Variants in TAOK3 observed in about 807,000 individuals in gnomAD.
The protein encoded by TAOK3 is serine/threonine-protein kinase TAO3.
TAOK3 carries 40 observed loss-of-function variants against 120.4 expected under a neutral mutation model. That is an observed-to-expected ratio of 0.33 (90% CI 0.26 to 0.43). The LOEUF (loss-of-function observed/expected upper bound fraction) is 0.43. Ranked by LOEUF, TAOK3 falls within the 20% of genes least tolerant of loss-of-function variation. TAOK3 has a pLI of 1.00. For synonymous variants in TAOK3, 355 were observed against 387.5 expected (o/e 0.92, Z 0.99); for missense variants, 821 against 1,112.1 (o/e 0.74, Z 3.72).
At chr12:118,186,864 T>C (rs2037109357) in intron 14 of TAOK3, among the ~76,000 whole-genome samples, 1 of 152,172 alleles carries the variant, frequency 6.6e-6, no homozygotes, top group South Asian at 2.1e-4. Flanking sequence ...TACAAAAATC[T>C]CAGTTATAAG....
intron 1 of TAOK3, among the ~76,000 whole-genome samples, chr12:118,327,786 C>T (rs2043991688): frequency 6.6e-6 from 1 of 152,136 alleles, no homozygotes; most frequent in Non-Finnish European, 1.5e-5. Context: ...ATTCCTATTG[C>T]TAAATAAAAT....
chr12:118,253,056 C>T (rs774371148), intron 3 of TAOK3, among the ~76,000 whole-genome samples: 1 of 152,198 alleles, frequency 6.6e-6, no homozygotes, highest in East Asian at 1.9e-4. Context: ...CCAGAAAAAT[C>T]TTTTATTGTA....
chr12:118,151,285 G>GCA (rs1555282496), intron 20 of TAOK3, 127 bp from the exon 21 acceptor site: 100 of 612,474 alleles, frequency 1.6e-4, no homozygotes, highest in Non-Finnish European at 2.3e-4. Flanking sequence ...AAGTGCGCGC[G>GCA]CGCGCACACA....
chr12:118,207,458 A>G (rs768090985), intron 11 of TAOK3, among the ~76,000 whole-genome samples: 1 of 152,212 alleles, frequency 6.6e-6, no homozygotes, highest in Non-Finnish European at 1.5e-5. Flanking sequence ...GAATAACTAG[A>G]AATCATTTTA....
intron 1 of TAOK3, among the ~76,000 whole-genome samples, chr12:118,346,357 A>G (rs1294357239): frequency 6.6e-6 from 1 of 152,198 alleles, no homozygotes; most frequent in Non-Finnish European, 1.5e-5. Flanking sequence ...AAAACAGGGA[A>G]ATTATAATTT....
chr12:118,304,179 C>T (rs956986760), intron 1 of TAOK3, among the ~76,000 whole-genome samples: 5 of 152,156 alleles, frequency 3.3e-5, no homozygotes, highest in African/African-American at 1.2e-4. Flanking sequence ...TTTATGAGTT[C>T]CAATGCAATA....
At chr12:118,156,616 T>C (rs2034843287) in intron 19 of TAOK3, among the ~76,000 whole-genome samples, 1 of 152,210 alleles carries the variant, frequency 6.6e-6, no homozygotes, top group African/African-American at 2.4e-5. Context: ...CCTCTGGATG[T>C]TTCCCAGGCT....
chr12:118,317,138 C>T (rs746367658), intron 1 of TAOK3, among the ~76,000 whole-genome samples: 1 of 151,914 alleles, frequency 6.6e-6, no homozygotes, highest in Non-Finnish European at 1.5e-5. Context: ...TGGTGCACGC[C>T]TGTAACTCCA....
intron 2 of TAOK3, among the ~76,000 whole-genome samples, chr12:118,256,857 T>C (rs2041008822): frequency 6.6e-6 from 1 of 152,190 alleles, no homozygotes; most frequent in Admixed American, 6.6e-5. Flanking sequence ...ACTGTGACTA[T>C]ACCAAAAATC....
chr12:118,183,130 C>T (rs950087632), intron 14 of TAOK3, among the ~76,000 whole-genome samples: 9 of 152,152 alleles, frequency 5.9e-5, no homozygotes, highest in Non-Finnish European at 1.2e-4. Context: ...GCCCATCTCC[C>T]CAGCCTAACA....
chr12:118,366,921 C>G (rs1461813857), intron 1 of TAOK3, among the ~76,000 whole-genome samples: 1 of 152,198 alleles, frequency 6.6e-6, no homozygotes, highest in African/African-American at 2.4e-5. Flanking sequence ...GAAACCCCAT[C>G]TCTACTAAAA....
rs1443377434 is a variant in TAOK3 at position 118,160,350 on chromosome 12, T to C, written c.2148A>G (p.Glu716=). ...RQQPKNLKAM[E]MQIKKQFQDT... ...CCTGAAACTGTTTTTTAATTTGCAT[T>C]TCCATGGCCTGGGTAGAAAAAGTGA... The change falls in exon 19 of 21, where the codon GAA becomes GAG. Residue 716 remains glutamate (E), a synonymous_variant. Coordinates refer to ENST00000392533, the MANE Select transcript of TAOK3 (RefSeq NM_016281.4). This position sits in a 1 kb window ranked among gnomAD's most constrained non-coding sequence, Gnocchi z 4.2. 6.2e-7 allele frequency: 1 copy of C among 1,613,536 alleles called. No homozygotes were observed. Among genetic ancestry groups the C allele is most frequent in the African/African-American group, 1.3e-5 (1 of 74,908 alleles).
At chr12:118,217,022 T>C (rs1296731962) in intron 9 of TAOK3, among the ~76,000 whole-genome samples, 2 of 152,124 alleles carry the variant, frequency 1.3e-5, no homozygotes, top group Admixed American at 1.3e-4. Context: ...GGATTTTTTA[T>C]ATAGTCTCAC....
chr12:118,216,928 CAAAAAAAAA>C (rs11298822), intron 9 of TAOK3, among the ~76,000 whole-genome samples: 2 of 89,934 alleles, frequency 2.2e-5, no homozygotes, highest in African/African-American at 4.3e-5. Context: ...GACTCCATCT[CAAAAAAAAA>C]AAAAAAAAAA....
At chr12:118,162,707 A>G (rs2035302479) in intron 17 of TAOK3, among the ~76,000 whole-genome samples, 1 of 151,314 alleles carries the variant, frequency 6.6e-6, no homozygotes, top group Admixed American at 6.6e-5. Context: ...CATCTTCTGC[A>G]TTACAGTCTG....
At chr12:118,357,351 A>G (rs1448306098) in intron 1 of TAOK3, among the ~76,000 whole-genome samples, 1 of 152,240 alleles carries the variant, frequency 6.6e-6, no homozygotes, top group Non-Finnish European at 1.5e-5. Context: ...TTTAACTGGA[A>G]AACAAAGCAG....
intron 1 of TAOK3, among the ~76,000 whole-genome samples, chr12:118,304,368 C>A (rs2042976862): frequency 6.6e-6 from 1 of 152,184 alleles, no homozygotes; most frequent in South Asian, 2.1e-4. Flanking sequence ...GGAAGAGACA[C>A]AGGCTGTTTG....
rs532236819 is a variant in TAOK3, at chr12:118,215,766, C to T, written c.644-1656G>A. ...TTTGAGATGAGGACTTGCCCTGTTG[C>T]CCAGGCTGGAGTGCAGTGGCACAAT... is the stretch of plus-strand genomic sequence containing the variant. On this transcript the variant is annotated intron_variant, in intron 9 of 20. Transcript: ENST00000392533. 8.5e-5 allele frequency among the ~76,000 whole-genome samples: 13 copies of T among 152,248 alleles called. No homozygotes were observed. The East Asian group carries it at 2.3e-3, about 27-fold the overall frequency.
chr12:118,219,193 G>A (rs1207032840), intron 9 of TAOK3, among the ~76,000 whole-genome samples: 1 of 152,070 alleles, frequency 6.6e-6, no homozygotes, highest in Non-Finnish European at 1.5e-5. Context: ...CACAAATGCT[G>A]TTTTCTTGGT....
Sources: allele counts gnomAD v4.1 joint callset (sites outside exome capture counted in the v4.1 genomes callset), GRCh38; gene constraint gnomAD v4.1.1; non-coding constraint Gnocchi (gnomAD v3.1); transcripts MANE v1.5; gene names NCBI Gene and HGNC (gene_info 2026-07-23, HGNC 2026-07-21).